KLK6: variants seen among roughly 807,000 people sequenced by gnomAD.
The protein encoded by KLK6 is kallikrein-6.
A neutral mutation model predicts 21.7 loss-of-function variants in KLK6; 16 were observed. The observed-to-expected ratio is 0.74, with a 90% confidence interval of 0.50 to 1.12. KLK6 has a LOEUF of 1.12. Among genes scored for constraint, KLK6 ranks in the 50% most tolerant of loss-of-function variants. The pLI, the probability that KLK6 is intolerant of heterozygous loss-of-function variation, is 0.00. For missense variants in KLK6, 276 were observed against 304.6 expected (o/e 0.91, Z 0.70); for synonymous variants, 116 against 120.1 (o/e 0.97, Z 0.22).
chr19:50,967,930 C>A, intron 3 of KLK6, 135 bp downstream of exon 3: 1 of 477,466 alleles, frequency 2.1e-6, no homozygotes, highest in Non-Finnish European at 4.0e-6. Flanking sequence ...TTAGCCTAAT[C>A]CCCAACGTCT....
intron 2 of KLK6, 118 bp downstream of exon 2, chr19:50,968,423 A>G (rs1201003773): frequency 4.5e-6 from 2 of 444,304 alleles, no homozygotes; most frequent in East Asian, 8.6e-5. Flanking sequence ...GGAGAGGGTT[A>G]CCCTAGGGGG....
intron 3 of KLK6, 136 bp downstream of exon 3, chr19:50,967,929 T>A: frequency 4.7e-6 from 2 of 429,402 alleles, no homozygotes; most frequent in East Asian, 7.6e-5. Flanking sequence ...CTTAGCCTAA[T>A]CCCCAACGTC....
intron 6 of KLK6, among the ~76,000 whole-genome samples, chr19:50,959,757 GGA>G (rs2090783591): frequency 4.1e-5 from 1 of 24,308 alleles, no homozygotes; most frequent in Non-Finnish European, 6.7e-5. Context: ...AAGAGGAGGA[GGA>G]AGAGGAGAAG....
chr19:50,967,930 C>T (rs1175884020), intron 3 of KLK6, 135 bp downstream of exon 3: 3 of 477,340 alleles, frequency 6.3e-6, no homozygotes, highest in African/African-American at 6.2e-5. Flanking sequence ...TTAGCCTAAT[C>T]CCCAACGTCT....
intron 5 of KLK6, chr19:50,962,785 A>G (rs901605982): frequency 9.6e-5 from 15 of 156,214 alleles, no homozygotes; most frequent in African/African-American, 3.6e-4. Flanking sequence ...CTGCTGATCT[A>G]TTGGACCTGT....
chr19:50,965,467 G>A (rs934984780), intron 4 of KLK6, among the ~76,000 whole-genome samples: 1 of 151,046 alleles, frequency 6.6e-6, no homozygotes, highest in Admixed American at 6.6e-5. Context: ...TGTATTTTCA[G>A]TAGAGACAGG....
rs939100186 is a variant in KLK6, at chr19:50,968,434, C to G, written c.-9+107G>C. On this transcript the variant is annotated intron_variant, in intron 2 of 6. Transcript: ENST00000310157. ...GACAGGAGAGGGTTACCCTAGGGGG[C>G]CCTAGCGTTCTTCCTCTGTATGGGA... The G allele has an allele frequency of 5.3e-5, 22 of 413,572 alleles. No homozygotes were observed. In the Admixed American group the frequency reaches 7.6e-4, roughly 14 times the overall value. 25.6% of individuals were successfully genotyped at this position (413,572 alleles called of 1,614,324 possible). A position where few individuals can be genotyped will look rare whatever the true frequency, so the allele number is the denominator to read the frequency against.
chr19:50,960,305 G>A (rs1057038767), intron 6 of KLK6, among the ~76,000 whole-genome samples: 3 of 151,998 alleles, frequency 2.0e-5, no homozygotes, highest in African/African-American at 2.4e-5. Context: ...GCTATGTATC[G>A]CTTTCCCTGT....
intron 6 of KLK6, 61 bp from the exon 7 acceptor site, chr19:50,959,377 G>A: frequency 1.0e-6 from 1 of 979,530 alleles, no homozygotes; most frequent in Non-Finnish European, 1.4e-6. Context: ...GTGTGTGTGT[G>A]TGTGTGTGTG....
chr19:50,965,380 G>A (rs905709759), intron 4 of KLK6, among the ~76,000 whole-genome samples: 2 of 151,858 alleles, frequency 1.3e-5, no homozygotes, highest in Non-Finnish European at 2.9e-5. Flanking sequence ...CGCCTCCCAC[G>A]TTCAAGCAAT....
intron 6 of KLK6, 47 bp from the exon 7 acceptor site, chr19:50,959,363 CTGTGTGTGTGTG>C (rs71185782): frequency 3.3e-4 from 278 of 841,824 alleles, no homozygotes; most frequent in African/African-American, 1.8e-3. Flanking sequence ...AACCCAGAGA[CTGTGTGTGTGTG>C]TGTGTGTGTG....
At chr19:50,965,310 A>C (rs1396460272) in intron 4 of KLK6, among the ~76,000 whole-genome samples, 2 of 143,122 alleles carry the variant, frequency 1.4e-5, no homozygotes, top group Non-Finnish European at 3.0e-5. Context: ...TTTTAGACAG[A>C]GTCTCGCTCT....
chr19:50,963,024 T>C (rs2090867009), intron 5 of KLK6, among the ~76,000 whole-genome samples: 1 of 152,188 alleles, frequency 6.6e-6, no homozygotes, highest in African/African-American at 2.4e-5. Flanking sequence ...ATCTCCCCAC[T>C]GACCTTCCCT....
At position 50,959,074 on chromosome 19, in the gene KLK6, G is replaced by T; in HGVS notation, c.*90C>A. The T allele has an allele frequency of 7.1e-7, 1 of 1,401,558 alleles. No homozygotes were observed. The highest frequency in any genetic ancestry group is 1.0e-6 in the Non-Finnish European group (1 of 994,910). The allele number at this position is 1,401,558 out of a possible 1,614,324, so 86.8% of individuals were successfully genotyped here. On this transcript the variant is annotated 3_prime_UTR_variant, in exon 7 of 7. Transcript: ENST00000310157. ...TAAGCATCAGGGTCAGAGCTGGGCA[G>T]GAGAGGAGGGGAGGCAAGGTCTAGG...
At chr19:50,960,596 T>C (rs558402939) in intron 6 of KLK6, among the ~76,000 whole-genome samples, 1 of 152,106 alleles carries the variant, frequency 6.6e-6, no homozygotes, top group East Asian at 1.9e-4. Flanking sequence ...TACTTCTCTT[T>C]GGTTCTTTTT....
chr19:50,969,211 T>C (rs1405772842), intron 1 of KLK6, among the ~76,000 whole-genome samples: 1 of 149,654 alleles, frequency 6.7e-6, no homozygotes, highest in African/African-American at 2.5e-5. Flanking sequence ...GGCTAGGACC[T>C]AAACTCCTGG....
chr19:50,967,122 C>T, intron 4 of KLK6, 47 bp downstream of exon 4: 1 of 1,610,508 alleles, frequency 6.2e-7, no homozygotes, highest in South Asian at 1.1e-5. Flanking sequence ...TATAAGACAC[C>T]CTCAGGGTTC....
chr19:50,959,892 AGAG>A (rs146102831), intron 6 of KLK6, among the ~76,000 whole-genome samples: 903 of 25,246 alleles, frequency 0.036, 70 homozygotes, highest in African/African-American at 0.17. Flanking sequence ...AGGAGGAGGA[AGAG>A]GAGGAGGAGA....
intron 6 of KLK6, among the ~76,000 whole-genome samples, chr19:50,959,760 A>G (rs1033201415): frequency 3.8e-3 from 34 of 8,864 alleles, no homozygotes; most frequent in East Asian, 0.01. Flanking sequence ...AGGAGGAGGA[A>G]GAGGAGAAGG....
Sources: allele counts gnomAD v4.1 joint callset (sites outside exome capture counted in the v4.1 genomes callset), GRCh38; gene constraint gnomAD v4.1.1; transcripts MANE v1.5; gene names NCBI Gene and HGNC (gene_info 2026-07-23, HGNC 2026-07-21).